Variants in ZNF680 observed in about 807,000 individuals in gnomAD.
ZNF680 encodes zinc finger protein 680.
In ZNF680, 6 loss-of-function variants were observed where a neutral mutation model predicts 12.1. That is an observed-to-expected ratio of 0.49 (90% CI 0.27 to 0.98). ZNF680 has a LOEUF of 0.98. Ranked by LOEUF, ZNF680 falls within the 50% of genes least tolerant of loss-of-function variation. The probability of loss-of-function intolerance (pLI) is 0.12; values close to 1 mark genes in which losing one functional copy is unlikely to be tolerated. For missense variants in ZNF680, 561 were observed against 616.3 expected (o/e 0.91, Z 0.95); for synonymous variants, 170 against 199.3 (o/e 0.85, Z 1.24).
chr7:64,560,297 A>G (rs1348440538), intron 1 of ZNF680, among the ~76,000 whole-genome samples: 2 of 151,958 alleles, frequency 1.3e-5, no homozygotes. Flanking sequence ...TATTTTTAGT[A>G]GCGACAAGGC....
At chr7:64,508,518 C>A in the ZNF680 span, among the ~76,000 whole-genome samples, 1 of 152,154 alleles carries the variant, frequency 6.6e-6, no homozygotes, top group Admixed American at 6.5e-5. Flanking sequence ...TTCCTGTACA[C>A]TCGCTACGTG....
chr7:64,523,786 G>A (rs943451784), intron 3 of ZNF680, among the ~76,000 whole-genome samples: 2 of 151,944 alleles, frequency 1.3e-5, no homozygotes, highest in East Asian at 2.0e-4. Context: ...GGTGGTGGGC[G>A]CCTGTAGTCC....
At chr7:64,515,542 AC>A (rs1479937618), downstream of ZNF680, among the ~76,000 whole-genome samples, 1 of 152,028 alleles carries the variant, frequency 6.6e-6, no homozygotes, top group Non-Finnish European at 1.5e-5. Flanking sequence ...CATTGCCTCC[AC>A]CCCATATAAT....
At chr7:64,552,377 A>G (rs1787128523) in intron 1 of ZNF680, among the ~76,000 whole-genome samples, 1 of 152,176 alleles carries the variant, frequency 6.6e-6, no homozygotes, top group Non-Finnish European at 1.5e-5. Flanking sequence ...TTGATGAAAA[A>G]TTAGAATCTG....
rs529206439 is a variant in ZNF680, at chr7:64,535,186, C to A, written c.253+8521G>T. ...AAAGAGAATTTGAGACCAGTCTGGA[C>A]AACATTGTCTCTATCAAAAATACAA... is the stretch of plus-strand genomic sequence containing the variant. On this transcript the variant is annotated intron_variant, in intron 3 of 3. Coordinates refer to ENST00000309683, the MANE Select transcript of ZNF680 (RefSeq NM_178558.5). Among the ~76,000 whole-genome samples the A allele has an allele frequency of 3.9e-5, 6 of 152,124 alleles. No individual in the cohort carries two copies. In the East Asian group the frequency reaches 1.2e-3, roughly 29 times the overall value.
the ZNF680 span, among the ~76,000 whole-genome samples, chr7:64,509,727 G>A: frequency 6.6e-6 from 1 of 152,040 alleles, no homozygotes; most frequent in African/African-American, 2.4e-5. Flanking sequence ...ATTTTAAGCA[G>A]GTAAGTGTAA....
At chr7:64,558,025 G>A (rs1351301768) in intron 1 of ZNF680, among the ~76,000 whole-genome samples, 2 of 152,168 alleles carry the variant, frequency 1.3e-5, no homozygotes, top group Non-Finnish European at 2.9e-5. Context: ...AAGTTAAAAG[G>A]AATAAAATCC....
At chr7:64,501,341 A>G in the ZNF680 span, 1 of 1,225,848 alleles carries the variant, frequency 8.2e-7, no homozygotes, top group East Asian at 2.4e-5. Context: ...AGTGGCTTCA[A>G]TTCTAAGAGT....
chr7:64,509,892 C>G, the ZNF680 span, among the ~76,000 whole-genome samples: 1 of 151,950 alleles, frequency 6.6e-6, no homozygotes, highest in African/African-American at 2.4e-5. Context: ...CTGGGTCACA[C>G]AAAAGGGAGA....
At chr7:64,532,270 A>C (rs1353865239) in intron 3 of ZNF680, among the ~76,000 whole-genome samples, 1 of 151,708 alleles carries the variant, frequency 6.6e-6, no homozygotes, top group Non-Finnish European at 1.5e-5. Flanking sequence ...GTACCACTGC[A>C]CTCCAGCCTG....
chr7:64,515,494 C>G (rs1791332898), downstream of ZNF680, among the ~76,000 whole-genome samples: 1 of 152,036 alleles, frequency 6.6e-6, no homozygotes, highest in Non-Finnish European at 1.5e-5. Context: ...AGGTAAATAG[C>G]AACAGAAAGG....
chr7:64,543,997 C>A, intron 2 of ZNF680, 195 bp from the exon 3 acceptor site: 2 of 609,826 alleles, frequency 3.3e-6, no homozygotes, highest in South Asian at 2.2e-5. Flanking sequence ...CCCAGTACTA[C>A]TGAATCAAAA....
intron 2 of ZNF680, 58 bp from the exon 3 acceptor site, chr7:64,543,860 A>G (rs1584386231): frequency 2.8e-6 from 4 of 1,421,228 alleles, no homozygotes; most frequent in African/African-American, 1.4e-5. Context: ...TTACCAAACT[A>G]CTAATGTGCT....
chr7:64,539,404 T>C (rs1315310525), intron 3 of ZNF680, among the ~76,000 whole-genome samples: 1 of 143,318 alleles, frequency 7.0e-6, no homozygotes, highest in East Asian at 2.0e-4. Context: ...CATTTTATTA[T>C]AAATGTTGAG....
intron 3 of ZNF680, chr7:64,526,173 TA>T: frequency 2.2e-6 from 2 of 926,318 alleles, no homozygotes; most frequent in Non-Finnish European, 2.6e-6. Context: ...ATATATTCAT[TA>T]AAAAACTCTT....
At chr7:64,508,752 G>A in the ZNF680 span, among the ~76,000 whole-genome samples, 1 of 151,024 alleles carries the variant, frequency 6.6e-6, no homozygotes, top group South Asian at 2.1e-4. Flanking sequence ...ACTAACTCTA[G>A]TCCCCACTAT....
Position 64,520,280 on chromosome 7 carries a change from T to C in ZNF680, c.*881A>G, listed in dbSNP as rs1183415222. On this transcript the variant is annotated 3_prime_UTR_variant, in exon 4 of 4. Coordinates refer to ENST00000309683, the MANE Select transcript of ZNF680 (RefSeq NM_178558.5). ...TACAATAGGAATGAAATAAAGTAAT[T>C]TGAGAGTTGAATTTCATCATTATTT... The C allele has an allele frequency of 6.6e-6, 1 of 151,812 alleles. No individual in the cohort carries two copies. Among genetic ancestry groups the C allele is most frequent in the African/African-American group, 2.4e-5 (1 of 41,418 alleles). The allele number at this position is 151,812 out of a possible 1,614,324, so 9.4% of individuals were successfully genotyped here. A position where few individuals can be genotyped will look rare whatever the true frequency, so the allele number is the denominator to read the frequency against.
the ZNF680 span, among the ~76,000 whole-genome samples, chr7:64,510,313 T>C: frequency 6.6e-6 from 1 of 151,908 alleles, no homozygotes; most frequent in African/African-American, 2.4e-5. Context: ...TAAACTGTCC[T>C]TGCTAAATCA....
At chr7:64,523,839 A>G (rs925960228) in intron 3 of ZNF680, among the ~76,000 whole-genome samples, 2 of 151,802 alleles carry the variant, frequency 1.3e-5, no homozygotes, top group Non-Finnish European at 2.9e-5. Flanking sequence ...TGTGAACCCA[A>G]GAGGCGGAGC....
Sources: allele counts gnomAD v4.1 joint callset (sites outside exome capture counted in the v4.1 genomes callset), GRCh38; gene constraint gnomAD v4.1.1; transcripts MANE v1.5; gene names NCBI Gene and HGNC (gene_info 2026-07-23, HGNC 2026-07-21).